ADGRF1: variants seen among roughly 807,000 people sequenced by gnomAD.
ADGRF1 encodes the protein G protein-coupled receptor 110.
In ADGRF1, 85 loss-of-function variants were observed where a neutral mutation model predicts 87.2. The ratio of observed to expected loss-of-function variants is 0.97; its 90% CI spans 0.82 to 1.17. The LOEUF is 1.17. Ranked by LOEUF, ADGRF1 falls within the 50% of genes most tolerant of loss-of-function variation. The pLI is 0.00. For synonymous variants in ADGRF1, 430 were observed against 408.8 expected (o/e 1.05, Z -0.63); for missense variants, 1,169 against 1,077.2 (o/e 1.09, Z -1.19).
At chr6:47,014,176 T>A (rs1034284467) in intron 9 of ADGRF1, 2 of 844,320 alleles carry the variant, frequency 2.4e-6, no homozygotes, top group Admixed American at 1.2e-4. Flanking sequence ...TGTTTTCTGA[T>A]CTGCAAAATG....
At chr6:47,026,249 G>C (rs150529371) in intron 3 of ADGRF1, among the ~76,000 whole-genome samples, 376 of 152,204 alleles carry the variant, frequency 2.5e-3, no homozygotes, top group Non-Finnish European at 4.3e-3. Context: ...CCCCAGTGCT[G>C]TCTGTCCCTC....
chr6:47,022,114 A>G (rs778099131), intron 5 of ADGRF1, 56 bp from the exon 6 acceptor site: 108 of 945,844 alleles, frequency 1.1e-4, no homozygotes, highest in Non-Finnish European at 1.7e-4. Flanking sequence ...TTGATTTACT[A>G]GTAGCATACA....
At chr6:47,040,613 C>T (rs904665807) in intron 1 of ADGRF1, among the ~76,000 whole-genome samples, 5 of 152,262 alleles carry the variant, frequency 3.3e-5, no homozygotes, top group South Asian at 2.1e-4. Flanking sequence ...ACACTTGTCC[C>T]GGGGATGCCA....
intron 1 of ADGRF1, among the ~76,000 whole-genome samples, chr6:47,033,707 T>C (rs1780502711): frequency 6.6e-6 from 1 of 152,244 alleles, no homozygotes; most frequent in Admixed American, 6.5e-5. Flanking sequence ...AAACCTTGGT[T>C]TTGCTTTATC....
rs763011389 is a variant in ADGRF1 at position 47,025,908 on chromosome 6, G to C, written c.223C>G (p.Pro75Ala). 1.2e-6 allele frequency: 2 copies of C among 1,611,690 alleles called. No individual in the cohort carries two copies. Among genetic ancestry groups the C allele is most frequent in the East Asian group, 2.2e-5 (1 of 44,858 alleles). Residue 75 changes from proline to alanine, a missense_variant, in exon 4 of 15, where the codon CCA becomes GCA. By Grantham distance (27) the Pro-to-Ala change is conservative. Transcript: ENST00000371253. Reference protein sequence around the residue: ...LRNFLKLLKPPLLWSHGLIRI... With the variant: ...LRNFLKLLKPALLWSHGLIRI... ...ATTAGCCCATGTGACCATAATAATG[G>C]AGGCTTCAAGAGCTTCAGAAAATTT...
intron 1 of ADGRF1, among the ~76,000 whole-genome samples, chr6:47,031,997 A>G (rs1418223555): frequency 6.6e-6 from 1 of 152,130 alleles, no homozygotes; most frequent in African/African-American, 2.4e-5. Flanking sequence ...ATCAGCCACC[A>G]TGCCAGGGCA....
chr6:47,007,957 A>G lies in ADGRF1; in HGVS notation c.2491-663T>C, dbSNP rs553028042. On this transcript the variant is annotated intron_variant, in intron 11 of 14. Transcript: ENST00000371253. ...TCACTGGTTGCTGAATAGATGGAGA[A>G]CCAACTTTTAGGAAACATCTATTGA... is the stretch of plus-strand genomic sequence containing the variant. Among the ~76,000 whole-genome samples the G allele has an allele frequency of 1.9e-3, 285 of 152,338 alleles. 1 individual carries two copies. Among genetic ancestry groups the G allele is most frequent in the African/African-American group, 5.6e-3 (232 of 41,582 alleles).
At chr6:47,036,990 T>C (rs891349405) in intron 1 of ADGRF1, among the ~76,000 whole-genome samples, 11 of 152,218 alleles carry the variant, frequency 7.2e-5, no homozygotes, top group Admixed American at 6.5e-4. Flanking sequence ...AAACCAGGAT[T>C]TAACTTTTAA....
At chr6:47,022,102 A>C (rs769295955) in intron 5 of ADGRF1, 44 bp from the exon 6 acceptor site, 2 of 1,034,746 alleles carry the variant, frequency 1.9e-6, no homozygotes, top group Admixed American at 4.8e-5. Context: ...TAAATTTCTA[A>C]CTTGATTTAC....
chr6:47,024,935 A>G (rs1780181434), intron 4 of ADGRF1, among the ~76,000 whole-genome samples: 1 of 152,152 alleles, frequency 6.6e-6, no homozygotes, highest in Non-Finnish European at 1.5e-5. Flanking sequence ...GTAACAGGAG[A>G]GTTGTTTAAA....
chr6:46,997,912 G>A lies in ADGRF1; in HGVS notation c.*2310C>T, dbSNP rs926560856. The A allele has an allele frequency of 6.6e-6, 1 of 152,118 alleles. No individual in the cohort carries two copies. The highest frequency in any genetic ancestry group is 1.5e-5 in the Non-Finnish European group (1 of 68,008). The allele number at this position is 152,118 out of a possible 1,614,324, so 9.4% of individuals were successfully genotyped here. ...GTTGTATGCCAACATACTCAGGTAA[G>A]AGCAACATTTTGGTCATTTTAAATA... On this transcript the variant is annotated 3_prime_UTR_variant, in exon 15 of 15. Coordinates refer to ENST00000371253, the MANE Select transcript of ADGRF1 (RefSeq NM_153840.4).
In ADGRF1 at chr6:46,999,310, C is replaced by G. The variant is rs1779294711; in HGVS notation, c.*912G>C. On this transcript the variant is annotated 3_prime_UTR_variant, in exon 15 of 15. Coordinates refer to ENST00000371253, the MANE Select transcript of ADGRF1 (RefSeq NM_153840.4). ...ACAACCAAATTCTCCCTTAATTTCT[C>G]TCTTACATAGAATTCTGGGAATGGT... is the stretch of plus-strand genomic sequence containing the variant. 1.3e-5 allele frequency: 2 copies of G among 152,330 alleles called. No individual in the cohort carries two copies. The highest frequency in any genetic ancestry group is 4.1e-4 in the South Asian group (2 of 4,822). 9.4% of individuals were successfully genotyped at this position (152,330 alleles called of 1,614,324 possible).
At chr6:47,010,734 AACACCAG>A (rs1779681729) in intron 10 of ADGRF1, among the ~76,000 whole-genome samples, 1 of 152,214 alleles carries the variant, frequency 6.6e-6, no homozygotes, top group African/African-American at 2.4e-5. Context: ...TTGTTTTGCT[AACACCAG>A]AAGTTCAAAA....
intron 1 of ADGRF1, among the ~76,000 whole-genome samples, chr6:47,031,786 G>T (rs971157491): frequency 1.2e-4 from 18 of 152,052 alleles, no homozygotes; most frequent in Non-Finnish European, 5.9e-5. Flanking sequence ...AGGTGCAGTG[G>T]TGTAGTCATG....
intron 5 of ADGRF1, among the ~76,000 whole-genome samples, chr6:47,022,296 G>A (rs1331945930): frequency 2.0e-5 from 3 of 152,174 alleles, no homozygotes; most frequent in Non-Finnish European, 2.9e-5. Context: ...CTTAAAAGTA[G>A]GTAAATGCGT....
chr6:47,036,381 C>G (rs1780589617), intron 1 of ADGRF1, among the ~76,000 whole-genome samples: 1 of 152,160 alleles, frequency 6.6e-6, no homozygotes, highest in African/African-American at 2.4e-5. Flanking sequence ...CACGTACCCC[C>G]TGATGCTAAA....
At chr6:47,027,982 C>T (rs756111074) in intron 2 of ADGRF1, among the ~76,000 whole-genome samples, 15 of 152,180 alleles carry the variant, frequency 9.9e-5, no homozygotes, top group East Asian at 3.9e-4. Flanking sequence ...ACACCAGAGC[C>T]GCTGAGAGAG....
At chr6:47,024,698 C>A (rs1780171806) in intron 4 of ADGRF1, among the ~76,000 whole-genome samples, 1 of 152,072 alleles carries the variant, frequency 6.6e-6, no homozygotes, top group African/African-American at 2.4e-5. Flanking sequence ...CAATTTTTGC[C>A]ATTAAAAGTA....
Position 47,009,298 on chromosome 6 carries a change from T to C in ADGRF1, c.2137A>G (p.Ile713Val), listed in dbSNP as rs927321895. 1.9e-6 allele frequency: 3 copies of C among 1,614,032 alleles called. No individual in the cohort carries two copies. The highest frequency in any genetic ancestry group is 2.5e-6 in the Non-Finnish European group (3 of 1,180,020). ...FCLGYGCPLI[I>V]SVITIAVTQP... ...GTGACAGCAATGGTAATGACAGATA[T>C]AATGAGAGGGCACCCATAACCCAGG... Residue 713 changes from isoleucine (I) to valine (V), a missense_variant, in exon 11 of 15, where the codon ATA becomes GTA. Transcript: ENST00000371253.
Sources: gnomAD v4.1 joint callset for allele counts (sites outside exome capture counted in the v4.1 genomes callset) on GRCh38, gnomAD v4.1.1 for gene constraint, MANE v1.5 for transcripts, NCBI Gene and HGNC (gene_info 2026-07-23, HGNC 2026-07-21) for gene names.